SLC36A1: variants seen among roughly 807,000 people sequenced by gnomAD.
The protein encoded by SLC36A1 is proton-coupled amino acid transporter 1.
Under a neutral mutation model 47.5 loss-of-function variants are expected in SLC36A1, and 30 were observed. That is an observed-to-expected ratio of 0.63 (90% CI 0.47 to 0.86). The LOEUF (loss-of-function observed/expected upper bound fraction) is 0.86. SLC36A1 is among the 40% of genes least tolerant of loss of function. The pLI is 0.00. For missense variants in SLC36A1, 517 were observed against 606.0 expected, an observed-to-expected ratio of 0.85 and a Z score of 1.54; for synonymous variants, 255 against 249.7, an observed-to-expected ratio of 1.02 and a Z score of -0.20.
At chr5:151,478,715 T>C (rs1758409219) in intron 9 of SLC36A1, among the ~76,000 whole-genome samples, 1 of 152,240 alleles carries the variant, frequency 6.6e-6, no homozygotes. Flanking sequence ...AATTTTACAA[T>C]TTCCCATTTC....
chr5:151,365,029 T>G, the SLC36A1 span, among the ~76,000 whole-genome samples: 1 of 152,112 alleles, frequency 6.6e-6, no homozygotes, highest in Non-Finnish European at 1.5e-5. Flanking sequence ...GAGGATTGAA[T>G]GTACTTATTC....
the SLC36A1 span, among the ~76,000 whole-genome samples, chr5:151,403,450 A>G: frequency 6.6e-6 from 1 of 152,060 alleles, no homozygotes. Context: ...AGATCTTGTC[A>G]TTTAAAAGCG....
At chr5:151,441,463 G>A (rs986769345) in intron 1 of SLC36A1, among the ~76,000 whole-genome samples, 1 of 152,158 alleles carries the variant, frequency 6.6e-6, no homozygotes, top group African/African-American at 2.4e-5. Flanking sequence ...GGAGACAAGT[G>A]GGTAGAAGGG....
chr5:151,401,887 C>T, the SLC36A1 span, among the ~76,000 whole-genome samples: 2 of 151,744 alleles, frequency 1.3e-5, no homozygotes, highest in Non-Finnish European at 3.0e-5. Flanking sequence ...TTCTAAGAGC[C>T]TTTTGGCAGT....
the SLC36A1 span, chr5:151,549,186 G>T: frequency 1.0e-6 from 1 of 998,430 alleles, no homozygotes; most frequent in Non-Finnish European, 1.5e-6. Flanking sequence ...GTTTGCCAAG[G>T]CTTAATGAGC....
chr5:151,537,199 GAAA>G, the SLC36A1 span, among the ~76,000 whole-genome samples: 1 of 147,560 alleles, frequency 6.8e-6, no homozygotes, highest in African/African-American at 2.4e-5. Context: ...GAGAGAGAGA[GAAA>G]GAAGAAGAGG....
chr5:151,545,240 C>T, the SLC36A1 span: 1 of 1,614,152 alleles, frequency 6.2e-7, no homozygotes, highest in Non-Finnish European at 8.5e-7. Context: ...AAGCTTTTGT[C>T]AAGCACTTGG....
the SLC36A1 span, among the ~76,000 whole-genome samples, chr5:151,356,589 C>T: frequency 6.6e-6 from 1 of 152,086 alleles, no homozygotes; most frequent in Non-Finnish European, 1.5e-5. Flanking sequence ...CACTGGCTCT[C>T]CTCCTGAATT....
chr5:151,485,105 T>C (rs1220982014), intron 10 of SLC36A1, among the ~76,000 whole-genome samples: 1 of 152,112 alleles, frequency 6.6e-6, no homozygotes, highest in East Asian at 1.9e-4. Flanking sequence ...TCCAATTTTC[T>C]CCATATTCAA....
At chr5:151,454,567 GT>G (rs2127460811) in intron 1 of SLC36A1, among the ~76,000 whole-genome samples, 1 of 152,166 alleles carries the variant, frequency 6.6e-6, no homozygotes, top group African/African-American at 2.4e-5. Context: ...AGAGTGATCT[GT>G]TCTATTTGGA....
chr5:151,499,882 C>T, the SLC36A1 span, among the ~76,000 whole-genome samples: 1 of 152,200 alleles, frequency 6.6e-6, no homozygotes, highest in African/African-American at 2.4e-5. Context: ...CCTGAAACCA[C>T]TCCTCACAGC....
chr5:151,416,416 A>T, the SLC36A1 span, among the ~76,000 whole-genome samples: 1 of 152,026 alleles, frequency 6.6e-6, no homozygotes, highest in South Asian at 2.1e-4. Flanking sequence ...TTCCAAGACC[A>T]CTCCGAAGGG....
chr5:151,537,833 A>G, the SLC36A1 span: 6 of 1,614,176 alleles, frequency 3.7e-6, no homozygotes, highest in Non-Finnish European at 5.1e-6. Flanking sequence ...CCCCAGGGCC[A>G]TGCAGAGAAT....
chr5:151,471,181 A>G (rs1485997003), intron 7 of SLC36A1, among the ~76,000 whole-genome samples: 1 of 152,224 alleles, frequency 6.6e-6, no homozygotes, highest in Non-Finnish European at 1.5e-5. Flanking sequence ...CATCAATGTT[A>G]TAACAAAACA....
the SLC36A1 span, chr5:151,531,624 C>G: frequency 3.1e-6 from 5 of 1,613,164 alleles, no homozygotes; most frequent in African/African-American, 1.3e-5. The surrounding 1 kb of genome is among the most constrained non-coding windows in gnomAD (Gnocchi z 5.7). Context: ...CTTGCTCGTT[C>G]CCGCTGACCA....
the SLC36A1 span, among the ~76,000 whole-genome samples, chr5:151,379,419 C>T: frequency 4.5e-4 from 69 of 152,344 alleles, no homozygotes; most frequent in African/African-American, 1.4e-3. Context: ...CTGCAACCTC[C>T]GCCTCCCGGG....
At chr5:151,509,916 C>G in the SLC36A1 span, 2 of 1,327,628 alleles carry the variant, frequency 1.5e-6, no homozygotes, top group Non-Finnish European at 2.1e-6. Context: ...AAGCCAGGTC[C>G]CTGCAGCACT....
the SLC36A1 span, among the ~76,000 whole-genome samples, chr5:151,377,537 C>T: frequency 2.0e-5 from 3 of 151,186 alleles, no homozygotes; most frequent in Non-Finnish European, 4.4e-5. Flanking sequence ...TTAGTAGAGA[C>T]GGGGTTTCAC....
chr5:151,498,615 C>T, the SLC36A1 span, among the ~76,000 whole-genome samples: 219 of 152,292 alleles, frequency 1.4e-3, 1 homozygote, highest in Middle Eastern at 0.017. Context: ...TCACTGAGCA[C>T]GGCACATTTC....
Sources: gnomAD v4.1 joint callset for allele counts (sites outside exome capture counted in the v4.1 genomes callset) on GRCh38, gnomAD v4.1.1 for gene constraint, Gnocchi (gnomAD v3.1) non-coding constraint, MANE v1.5 for transcripts, NCBI Gene and HGNC (gene_info 2026-07-23, HGNC 2026-07-21) for gene names.